TAFA1: variants seen among roughly 807,000 people sequenced by gnomAD.
The protein encoded by TAFA1 is TAFA chemokine like family member 1.
Under a neutral mutation model 18.5 loss-of-function variants are expected in TAFA1, and 4 were observed. The ratio of observed to expected loss-of-function variants is 0.22; its 90% CI spans 0.11 to 0.49. The LOEUF is 0.49. TAFA1 is among the 20% of genes least tolerant of loss of function. The pLI, the probability that TAFA1 is intolerant of heterozygous loss-of-function variation, is 0.98. For missense variants in TAFA1, 147 were observed against 169.0 expected (o/e 0.87, Z 0.72); for synonymous variants, 56 against 55.2 (o/e 1.01, Z -0.06).
chr3:68,458,730 T>G (rs927477295), intron 3 of TAFA1, among the ~76,000 whole-genome samples: 1 of 152,142 alleles, frequency 6.6e-6, no homozygotes, highest in Non-Finnish European at 1.5e-5. Context: ...CACTTTGAAC[T>G]GCTGGGGAAA....
intron 2 of TAFA1, among the ~76,000 whole-genome samples, chr3:68,376,260 A>G (rs1232309124): frequency 6.6e-6 from 1 of 151,016 alleles, no homozygotes; most frequent in East Asian, 1.9e-4. Context: ...TTTTTTTTTA[A>G]CTTTTATTTT....
chr3:68,270,780 T>C (rs867470820), intron 2 of TAFA1, among the ~76,000 whole-genome samples: 2 of 152,262 alleles, frequency 1.3e-5, no homozygotes, highest in South Asian at 4.1e-4. Context: ...AGCTATGAGA[T>C]GTATTATGGA....
chr3:68,354,916 A>C (rs1169041094), intron 2 of TAFA1, among the ~76,000 whole-genome samples: 1 of 151,936 alleles, frequency 6.6e-6, no homozygotes, highest in African/African-American at 2.4e-5. Flanking sequence ...TAAAGGCCTC[A>C]CCTCTCAATA....
chr3:68,397,081 A>G (rs1056094616), intron 2 of TAFA1, among the ~76,000 whole-genome samples: 2 of 152,174 alleles, frequency 1.3e-5, no homozygotes, highest in Non-Finnish European at 2.9e-5. Context: ...ATGGAGGAAA[A>G]AAAGGAGAAA....
At chr3:68,535,597 A>G (rs1219502798) in intron 3 of TAFA1, among the ~76,000 whole-genome samples, 1 of 152,214 alleles carries the variant, frequency 6.6e-6, no homozygotes, top group Non-Finnish European at 1.5e-5. Context: ...CAAAAATTAA[A>G]TATGGCAAAA....
At position 68,267,283 on chromosome 3, in the gene TAFA1, C is replaced by A. The variant is rs547824489; in HGVS notation, c.119-149997C>A. Among the ~76,000 whole-genome samples the A allele has an allele frequency of 2.5e-4, 38 of 152,290 alleles. 1 individual carries two copies. Among genetic ancestry groups the A allele is most frequent in the African/African-American group, 8.7e-4 (36 of 41,566 alleles). On this transcript the variant is annotated intron_variant, in intron 2 of 4. Transcript: ENST00000478136. The stretch of plus-strand genomic sequence containing the variant: ...TTTTAAAACATTTGTAAGAAACTTA[C>A]TGAACCCATACTTGTATGCTAAGCC...
intron 2 of TAFA1, among the ~76,000 whole-genome samples, chr3:68,124,688 G>T (rs531842652): frequency 2.6e-5 from 4 of 152,314 alleles, no homozygotes; most frequent in Admixed American, 2.0e-4. Context: ...TGCCCATGTT[G>T]CAGAGAAGGA....
chr3:68,140,763 C>G (rs2065659428), intron 2 of TAFA1, among the ~76,000 whole-genome samples: 1 of 152,190 alleles, frequency 6.6e-6, no homozygotes, highest in Admixed American at 6.5e-5. Flanking sequence ...TTAAACTTAT[C>G]TCTAATTTAT....
chr3:67,995,755 G>A, the TAFA1 span, among the ~76,000 whole-genome samples: 1 of 152,130 alleles, frequency 6.6e-6, no homozygotes, highest in Non-Finnish European at 1.5e-5. Flanking sequence ...TGAGGTTGGA[G>A]ATGCACATTT....
At chr3:68,379,493 T>C (rs1327335811) in intron 2 of TAFA1, among the ~76,000 whole-genome samples, 1 of 152,208 alleles carries the variant, frequency 6.6e-6, no homozygotes, top group Non-Finnish European at 1.5e-5. Context: ...AGCTCTTTAG[T>C]TTAATTAAAT....
chr3:68,328,434 A>G (rs1457713627), intron 2 of TAFA1, among the ~76,000 whole-genome samples: 7 of 152,210 alleles, frequency 4.6e-5, no homozygotes, highest in Non-Finnish European at 8.8e-5. Context: ...GAAAGTAGTT[A>G]TTACACAGTT....
chr3:68,272,567 G>A (rs929763866), intron 2 of TAFA1, among the ~76,000 whole-genome samples: 2 of 152,122 alleles, frequency 1.3e-5, no homozygotes, highest in Non-Finnish European at 2.9e-5. Flanking sequence ...CTTTTATTCT[G>A]TTTTTAAGAA....
chr3:68,048,897 A>G (rs2106697374), intron 2 of TAFA1, among the ~76,000 whole-genome samples: 1 of 152,300 alleles, frequency 6.6e-6, no homozygotes, highest in East Asian at 1.9e-4. Flanking sequence ...AATCTTGGCT[A>G]TTGTGAATAA....
chr3:67,994,559 T>G, the TAFA1 span, among the ~76,000 whole-genome samples: 1 of 152,164 alleles, frequency 6.6e-6, no homozygotes, highest in Non-Finnish European at 1.5e-5. Flanking sequence ...GAAAGCCTAG[T>G]GTTGAGTGGA....
At position 68,179,572 on chromosome 3, in the gene TAFA1, T is replaced by A. The variant is rs533795651; in HGVS notation, c.118+172828T>A. Among the ~76,000 whole-genome samples, 7 of 152,326 alleles carry A rather than the reference T, an allele frequency of 4.6e-5. No homozygotes were observed. The East Asian group carries it at 1.3e-3, about 29-fold the overall frequency. On this transcript the variant is annotated intron_variant, in intron 2 of 4. Coordinates refer to ENST00000478136, the MANE Select transcript of TAFA1 (RefSeq NM_213609.4). ...GTTTCTAAATTATTAAATAATAATG[T>A]AATAACAAGCACTTATCTAGTGATT...
chr3:68,289,242 AG>A (rs1464043956), intron 2 of TAFA1, among the ~76,000 whole-genome samples: 3 of 152,212 alleles, frequency 2.0e-5, no homozygotes, highest in Non-Finnish European at 4.4e-5. Flanking sequence ...TATTAACAAA[AG>A]CCCACTATAT....
chr3:68,270,283 G>A (rs982322072), intron 2 of TAFA1, among the ~76,000 whole-genome samples: 8 of 152,088 alleles, frequency 5.3e-5, no homozygotes, highest in Admixed American at 4.6e-4. Context: ...TTGTGGAGGG[G>A]CTTCTATGAC....
At chr3:68,058,640 G>A (rs2064563975) in intron 2 of TAFA1, among the ~76,000 whole-genome samples, 1 of 151,998 alleles carries the variant, frequency 6.6e-6, no homozygotes, top group African/African-American at 2.4e-5. Flanking sequence ...AAATTCCAGA[G>A]GTAAAGAAAA....
chr3:68,331,368 A>G (rs181071429), intron 2 of TAFA1, among the ~76,000 whole-genome samples: 12 of 152,284 alleles, frequency 7.9e-5, no homozygotes, highest in Non-Finnish European at 1.3e-4. Context: ...GATAGTGGTG[A>G]TGGTTTTGCA....
Sources: gnomAD v4.1 joint callset for allele counts (sites outside exome capture counted in the v4.1 genomes callset) on GRCh38, gnomAD v4.1.1 for gene constraint, MANE v1.5 for transcripts, NCBI Gene and HGNC (gene_info 2026-07-23, HGNC 2026-07-21) for gene names.